The following ADAM28 variants were observed in gnomAD, a reference collection of about 807,000 sequenced individuals.
The protein encoded by ADAM28 is ADAM metallopeptidase domain 28.
In ADAM28, 105 loss-of-function variants were observed where a neutral mutation model predicts 101.2. That is an observed-to-expected ratio of 1.04 (90% CI 0.89 to 1.22). ADAM28 has a LOEUF of 1.22. Among genes scored for constraint, ADAM28 ranks in the 50% most tolerant of loss-of-function variants. ADAM28 has a pLI of 0.00. For synonymous variants in ADAM28, 322 were observed against 310.6 expected, an observed-to-expected ratio of 1.04 and a Z score of -0.39; for missense variants, 1,028 against 945.4, an observed-to-expected ratio of 1.09 and a Z score of -1.15.
chr8:24,348,712 T>C (rs1815712599), intron 18 of ADAM28, among the ~76,000 whole-genome samples: 1 of 152,180 alleles, frequency 6.6e-6, no homozygotes, highest in South Asian at 2.1e-4. Flanking sequence ...CTGCACTTAC[T>C]CTTCAGTGAT....
intron 6 of ADAM28, among the ~76,000 whole-genome samples, chr8:24,317,652 A>G (rs1811335281): frequency 6.6e-6 from 1 of 152,068 alleles, no homozygotes; most frequent in Non-Finnish European, 1.5e-5. Flanking sequence ...TCATACCTAA[A>G]AGCTAAGGTT....
At chr8:24,349,829 T>C (rs768540395) in intron 18 of ADAM28, 35 bp from the exon 19 acceptor site, 1 of 1,555,622 alleles carries the variant, frequency 6.4e-7, no homozygotes, top group Non-Finnish European at 8.9e-7. Context: ...TGTGTGTTTC[T>C]GCAGTCCTCA....
intron 14 of ADAM28, among the ~76,000 whole-genome samples, chr8:24,338,577 A>T (rs62502749): frequency 0.1 from 14,942 of 150,098 alleles, 941 homozygotes; most frequent in East Asian, 0.26. Context: ...AGATACAAAT[A>T]ATAAAAAGTA....
chr8:24,316,293 C>T (rs1811151514), intron 6 of ADAM28, among the ~76,000 whole-genome samples: 1 of 151,788 alleles, frequency 6.6e-6, no homozygotes, highest in South Asian at 2.1e-4. Context: ...TAAGTGCTTG[C>T]TCAAATATGT....
At chr8:24,298,957 C>T (rs989895846) in intron 1 of ADAM28, among the ~76,000 whole-genome samples, 3 of 151,602 alleles carry the variant, frequency 2.0e-5, no homozygotes, top group Admixed American at 6.6e-5. Context: ...TTTGGGAGGC[C>T]GAGCCAGGAG....
intron 11 of ADAM28, among the ~76,000 whole-genome samples, chr8:24,330,318 G>A (rs1283717160): frequency 6.6e-6 from 1 of 152,106 alleles, no homozygotes; most frequent in Non-Finnish European, 1.5e-5. Context: ...TGCTGATGGG[G>A]CAATTCATCA....
chr8:24,323,150 C>T (rs1299622540), intron 8 of ADAM28, among the ~76,000 whole-genome samples: 1 of 151,850 alleles, frequency 6.6e-6, no homozygotes, highest in African/African-American at 2.4e-5. Context: ...TTGGAGACAG[C>T]TGCCTTCTCA....
chr8:24,332,607 A>C (rs1813495477), intron 12 of ADAM28, 53 bp from the exon 13 acceptor site: 1 of 1,078,936 alleles, frequency 9.3e-7, no homozygotes, highest in African/African-American at 1.6e-5. Context: ...AATTGTGCTG[A>C]ACTGGGACCA....
Position 24,357,913 on chromosome 8 carries a change from T to A in ADAM28, c.*3509T>A, listed in dbSNP as rs1816784446. On this transcript the variant is annotated 3_prime_UTR_variant, in exon 23 of 23. Transcript: ENST00000265769. Reference sequence around the variant, plus strand: ...TCCTTGGTAATTTTGGATAACTCCTTAAATTTATCTTCCAAATTACTGGTT... The same window carrying A: ...TCCTTGGTAATTTTGGATAACTCCTAAAATTTATCTTCCAAATTACTGGTT... 6.6e-6 allele frequency: 1 copy of A among 152,134 alleles called. No individual in the cohort carries two copies. The highest frequency in any genetic ancestry group is 2.4e-5 in the African/African-American group (1 of 41,430). 9.4% of individuals were successfully genotyped at this position (152,134 alleles called of 1,614,324 possible). A position where few individuals can be genotyped will look rare whatever the true frequency, so the allele number is the denominator to read the frequency against.
At chr8:24,347,405 G>A (rs1223687504) in intron 18 of ADAM28, among the ~76,000 whole-genome samples, 1 of 151,888 alleles carries the variant, frequency 6.6e-6, no homozygotes, top group Non-Finnish European at 1.5e-5. Flanking sequence ...GTCGCATAAA[G>A]TGTATTGGAG....
chr8:24,313,124 C>G (rs562079398), intron 5 of ADAM28, among the ~76,000 whole-genome samples: 2 of 152,270 alleles, frequency 1.3e-5, no homozygotes, highest in East Asian at 1.9e-4. Flanking sequence ...AATATTCATT[C>G]TAGTGCCAGA....
intron 7 of ADAM28, among the ~76,000 whole-genome samples, chr8:24,320,934 C>A (rs1811785415): frequency 6.6e-6 from 1 of 151,892 alleles, no homozygotes; most frequent in East Asian, 1.9e-4. Flanking sequence ...TAATTCTGCA[C>A]ACCTTAGAAA....
chr8:24,329,336 C>A (rs1430568929), intron 10 of ADAM28, among the ~76,000 whole-genome samples: 1 of 152,138 alleles, frequency 6.6e-6, no homozygotes, highest in Non-Finnish European at 1.5e-5. Context: ...CTGGCAGATT[C>A]TTATCTCCTC....
intron 18 of ADAM28, among the ~76,000 whole-genome samples, chr8:24,349,231 T>C (rs545845767): frequency 6.6e-6 from 1 of 152,340 alleles, no homozygotes; most frequent in East Asian, 1.9e-4. Context: ...TTTCAGATTA[T>C]TGTAAGAGAA....
At chr8:24,321,862 T>C (rs981019766) in intron 8 of ADAM28, among the ~76,000 whole-genome samples, 3 of 151,988 alleles carry the variant, frequency 2.0e-5, no homozygotes, top group Non-Finnish European at 4.4e-5. Context: ...TCTTTAGACA[T>C]GATTGTGTTA....
At chr8:24,329,847 C>CTGTGTG (rs148363179) in intron 10 of ADAM28, 138 bp from the exon 11 acceptor site, 3 of 672,886 alleles carry the variant, frequency 4.5e-6, no homozygotes, top group South Asian at 2.3e-5. Context: ...CTCTCTTGCT[C>CTGTGTG]TGTGTGTGTG....
intron 2 of ADAM28, among the ~76,000 whole-genome samples, chr8:24,308,293 A>G (rs141738155): frequency 6.6e-6 from 1 of 152,310 alleles, no homozygotes; most frequent in Non-Finnish European, 1.5e-5. Flanking sequence ...CTCTCTTTCA[A>G]AAGTATTATT....
rs774810127 is a variant in ADAM28 at position 24,354,568 on chromosome 8, TTCAAGAGGAAC to T, written c.*165_*175del. The T allele has an allele frequency of 1.1e-3, 770 of 720,562 alleles. 1 individual carries two copies. Among genetic ancestry groups the T allele is most frequent in the Admixed American group, 1.9e-3 (46 of 24,864 alleles). The allele number at this position is 720,562 out of a possible 1,614,324, so 44.6% of individuals were successfully genotyped here. A position where few individuals can be genotyped will look rare whatever the true frequency, so the allele number is the denominator to read the frequency against. ...GACTTTGAAGAGACTAAAGAAAATTTTCAAGAGGAACATATGCCTGAGAACCTTTGCATGAA... is the reference window on the plus strand; with the variant it reads ...GACTTTGAAGAGACTAAAGAAAATTTATATGCCTGAGAACCTTTGCATGAA... On this transcript the variant is annotated 3_prime_UTR_variant, in exon 23 of 23. Coordinates refer to ENST00000265769, the MANE Select transcript of ADAM28 (RefSeq NM_014265.6).
chr8:24,352,045 C>A lies in ADAM28; in HGVS notation c.2237C>A (p.Ala746Asp), dbSNP rs201569481. The change falls in exon 21 of 23, where the codon GCC (alanine) becomes GAC (aspartate). Residue 746 changes from alanine (A) to aspartate (D), a missense_variant. Ala to Asp is a moderately radical substitution (Grantham distance 126). Transcript: ENST00000265769. ...DLPVEGNEPP[A>D]SFHKDTNALP... Reference sequence around the variant, plus strand: ...CCAGTAGAAGGCAATGAGCCCCCAGCCTCTTTTGTGAGTTAGCAACTTCTC... The same window carrying A: ...CCAGTAGAAGGCAATGAGCCCCCAGACTCTTTTGTGAGTTAGCAACTTCTC... 2.5e-6 allele frequency: 4 copies of A among 1,613,728 alleles called. No individual in the cohort carries two copies. The highest frequency in any genetic ancestry group is 3.4e-6 in the Non-Finnish European group (4 of 1,179,730).
Sources: allele counts gnomAD v4.1 joint callset (sites outside exome capture counted in the v4.1 genomes callset), GRCh38; gene constraint gnomAD v4.1.1; transcripts MANE v1.5; gene names NCBI Gene and HGNC (gene_info 2026-07-23, HGNC 2026-07-21).